Variants in PSMA1 observed in about 807,000 individuals in gnomAD.
PSMA1 encodes proteasome 20S subunit alpha 1.
PSMA1 carries 3 observed loss-of-function variants against 38.4 expected under a neutral mutation model. That is an observed-to-expected ratio of 0.08 (90% CI 0.04 to 0.20). PSMA1 has a LOEUF of 0.20. Among genes scored for constraint, PSMA1 ranks in the 10% least tolerant of loss-of-function variants. The probability of loss-of-function intolerance (pLI) is 1.00; values close to 1 mark genes in which losing one functional copy is unlikely to be tolerated. For synonymous variants in PSMA1, 101 were observed against 107.1 expected (o/e 0.94, Z 0.35); for missense variants, 227 against 325.3 (o/e 0.70, Z 2.32).
intron 7 of PSMA1, among the ~76,000 whole-genome samples, chr11:14,511,657 A>G (rs1422232550): frequency 2.6e-5 from 4 of 152,246 alleles, no homozygotes; most frequent in South Asian, 2.1e-4. Context: ...GAACCTCTTC[A>G]GTCTGATAGA....
chr11:14,567,849 C>T (rs1395341461), intron 2 of PSMA1, among the ~76,000 whole-genome samples: 4 of 152,078 alleles, frequency 2.6e-5, no homozygotes, highest in Non-Finnish European at 5.9e-5. Context: ...GTCTGGTGTT[C>T]CTGAGAGTAA....
At chr11:14,523,617 G>A (rs1388817569), upstream of PSMA1, among the ~76,000 whole-genome samples, 2 of 145,270 alleles carry the variant, frequency 1.4e-5, no homozygotes, top group East Asian at 2.0e-4. Context: ...TTAAGACAGG[G>A]TATTTCTCTG....
intron 2 of PSMA1, among the ~76,000 whole-genome samples, chr11:14,587,169 C>T (rs894930840): frequency 6.6e-6 from 1 of 152,194 alleles, no homozygotes; most frequent in African/African-American, 2.4e-5. Context: ...CCCTGCTCTT[C>T]TCTGTTGCTG....
intron 2 of PSMA1, among the ~76,000 whole-genome samples, chr11:14,591,269 A>C (rs1322743013): frequency 6.6e-6 from 1 of 152,166 alleles, no homozygotes; most frequent in African/African-American, 2.4e-5. Flanking sequence ...CGCTACGCTC[A>C]ATTTCTCACC....
In PSMA1 at chr11:14,513,748, T is replaced by G. The variant is rs768379223; in HGVS notation, c.415-49A>C. The stretch of plus-strand genomic sequence containing the variant: ...ACATAATTATTTACTTTGGTTGAAC[T>G]AAAAATTATAAAAATTTCTAGTTAA... On this transcript the variant is annotated intron_variant, in intron 6 of 9. Coordinates refer to ENST00000396394, the MANE Select transcript of PSMA1 (RefSeq NM_002786.4). The G allele has an allele frequency of 6.5e-6, 10 of 1,540,180 alleles. No individual in the cohort carries two copies. In the South Asian group the frequency reaches 1.3e-4, roughly 19 times the overall value.
In PSMA1 at chr11:14,519,011, C is replaced by G; in HGVS notation, c.34G>C (p.Val12Leu). ...CATTATTTTACCTGGGGGCTCCAAA[C>G]AGTGACATCATTGTCATACTGATTT... ...FRNQYDNDVTVWSPQGRIHQI... is the reference protein window; with the variant it reads ...FRNQYDNDVTLWSPQGRIHQI... Residue 12 changes from valine to leucine, a missense_variant, in exon 2 of 10, where the codon GTT becomes CTT. Coordinates refer to ENST00000396394, the MANE Select transcript of PSMA1 (RefSeq NM_002786.4). 6.3e-7 allele frequency: 1 copy of G among 1,589,726 alleles called. No individual in the cohort carries two copies. Among genetic ancestry groups the G allele is most frequent in the Non-Finnish European group, 8.6e-7 (1 of 1,167,822 alleles).
At chr11:14,508,927 CT>C (rs1347970258) in intron 8 of PSMA1, among the ~76,000 whole-genome samples, 4 of 82,700 alleles carry the variant, frequency 4.8e-5, no homozygotes, top group Non-Finnish European at 9.8e-5. Context: ...TTGCCAACAC[CT>C]AACTCATCTC....
intron 9 of PSMA1, among the ~76,000 whole-genome samples, chr11:14,506,417 T>C (rs1851245971): frequency 1.3e-5 from 2 of 152,140 alleles, no homozygotes; most frequent in Non-Finnish European, 2.9e-5. Flanking sequence ...AGTTTAAATA[T>C]TGCAAATCTT....
intron 2 of PSMA1, among the ~76,000 whole-genome samples, chr11:14,594,126 A>C (rs1462130841): frequency 1.3e-5 from 2 of 152,264 alleles, no homozygotes; most frequent in African/African-American, 4.8e-5. Context: ...AACCTGATTC[A>C]TGATGACATT....
chr11:14,520,244 C>A (rs1002064270), intron 1 of PSMA1, 53 bp downstream of exon 1: 2 of 1,612,170 alleles, frequency 1.2e-6, no homozygotes, highest in African/African-American at 2.7e-5. Context: ...CTCGTCATCC[C>A]CCAGTCACCA....
chr11:14,532,031 C>T (rs1245983385), intron 2 of PSMA1, among the ~76,000 whole-genome samples: 2 of 152,026 alleles, frequency 1.3e-5, no homozygotes, highest in African/African-American at 2.4e-5. Flanking sequence ...TTGGAGAGTG[C>T]ATCTGATTCT....
At chr11:14,595,218 G>A (rs12786114) in intron 2 of PSMA1, among the ~76,000 whole-genome samples, 3 of 151,944 alleles carry the variant, frequency 2.0e-5, no homozygotes, top group Admixed American at 6.6e-5. Context: ...ATAAACATAC[G>A]TGTGCATGTG....
At chr11:14,607,652 G>A (rs932988471) in intron 2 of PSMA1, among the ~76,000 whole-genome samples, 1 of 152,178 alleles carries the variant, frequency 6.6e-6, no homozygotes, top group Non-Finnish European at 1.5e-5. Flanking sequence ...GCAGGTGAAG[G>A]CAGGGAATGC....
At chr11:14,618,584 C>T (rs1008036439) in intron 1 of PSMA1, among the ~76,000 whole-genome samples, 1 of 152,130 alleles carries the variant, frequency 6.6e-6, no homozygotes, top group African/African-American at 2.4e-5. Flanking sequence ...ATTTATAAAC[C>T]AGGACACAAA....
intron 2 of PSMA1, among the ~76,000 whole-genome samples, chr11:14,571,869 C>G (rs1852146030): frequency 6.6e-6 from 1 of 152,144 alleles, no homozygotes; most frequent in South Asian, 2.1e-4. Context: ...CAAGTCTAGT[C>G]TCTGATAAAA....
intron 2 of PSMA1, among the ~76,000 whole-genome samples, chr11:14,590,760 C>T (rs1290971855): frequency 3.9e-5 from 6 of 152,222 alleles, no homozygotes; most frequent in Non-Finnish European, 8.8e-5. Flanking sequence ...ACTACACAAA[C>T]GCAAGATCAA....
At chr11:14,537,082 CAA>C (rs1432142863) in intron 2 of PSMA1, among the ~76,000 whole-genome samples, 4 of 152,138 alleles carry the variant, frequency 2.6e-5, no homozygotes, top group Admixed American at 6.6e-5. Context: ...TTCCTCAAGA[CAA>C]GAGAGAAAAA....
chr11:14,618,302 T>G (rs979893452), intron 1 of PSMA1, among the ~76,000 whole-genome samples: 2 of 152,246 alleles, frequency 1.3e-5, no homozygotes, highest in Non-Finnish European at 2.9e-5. Context: ...TTGACATAAT[T>G]TGTGAACTTT....
intron 2 of PSMA1, among the ~76,000 whole-genome samples, chr11:14,596,234 T>C (rs1432378845): frequency 1.3e-5 from 2 of 152,242 alleles, no homozygotes; most frequent in Non-Finnish European, 2.9e-5. Context: ...AGAGCTCTTT[T>C]TTGGTTCCAT....
Sources: gnomAD v4.1 joint callset for allele counts (sites outside exome capture counted in the v4.1 genomes callset) on GRCh38, gnomAD v4.1.1 for gene constraint, MANE v1.5 for transcripts, NCBI Gene and HGNC (gene_info 2026-07-23, HGNC 2026-07-21) for gene names.